Variants in SLC6A14 observed in about 807,000 individuals in gnomAD.
SLC6A14 encodes solute carrier family 6 member 14, also known as sodium- and chloride-dependent neutral and basic amino acid transporter B(0+).
In SLC6A14, 21 loss-of-function variants were observed where a neutral mutation model predicts 51.4. That is an observed-to-expected ratio of 0.41 (90% confidence interval 0.29 to 0.59). The LOEUF is 0.59. Among genes scored for constraint, SLC6A14 ranks in the 20% least tolerant of loss-of-function variants. The pLI is 0.31. For synonymous variants in SLC6A14, 177 were observed against 160.7 expected (o/e 1.10, Z -0.77); for missense variants, 371 against 472.8 (o/e 0.78, Z 2.00).
chrX:116,438,707 A>C (rs1927534426), intron 2 of SLC6A14, among the ~76,000 whole-genome samples: 1 of 112,031 alleles, frequency 8.9e-6, no homozygotes, highest in Non-Finnish European at 1.9e-5. Flanking sequence ...CTTTTCACTT[A>C]CACCATATTT....
rs569519380 is a variant in SLC6A14, at chrX:116,436,988, A to G, written c.48+231A>G. Reference sequence around the variant, plus strand: ...ATCCTCTGCCTTGGGAGTACCCACAAAATCCTGTTCTCTATCCCTCTCCTA... The same window carrying G: ...ATCCTCTGCCTTGGGAGTACCCACAGAATCCTGTTCTCTATCCCTCTCCTA... On this transcript the variant is annotated intron_variant, in intron 1 of 13. Coordinates refer to ENST00000598581, the MANE Select transcript of SLC6A14 (RefSeq NM_007231.5). 1.9e-4 allele frequency among the ~76,000 whole-genome samples: 21 copies of G among 111,584 alleles called. No homozygotes were observed. In the South Asian group the frequency reaches 8.0e-3, roughly 43 times the overall value.
intron 4 of SLC6A14, among the ~76,000 whole-genome samples, chrX:116,443,072 C>T (rs1191413176): frequency 9.1e-6 from 1 of 110,184 alleles, no homozygotes; most frequent in Non-Finnish European, 1.9e-5. Context: ...TCTTCCAGGC[C>T]TAAGTCTTGG....
At chrX:116,455,618 C>G in intron 12 of SLC6A14, 152 bp downstream of exon 12, 1 of 418,290 alleles carries the variant, frequency 2.4e-6, no homozygotes. Flanking sequence ...TCCAAGTTGC[C>G]TAAATTAAAA....
intron 3 of SLC6A14, among the ~76,000 whole-genome samples, chrX:116,441,809 A>G (rs1326079857): frequency 8.9e-6 from 1 of 111,982 alleles, no homozygotes; most frequent in Non-Finnish European, 1.9e-5. Flanking sequence ...TACCTAGTTA[A>G]GGAAACTTTG....
Position 116,444,972 on chromosome X carries a change from G to A in SLC6A14, c.711G>A (p.Trp237Ter). ...TGAATGAGACTGGAGTAATTGTTTG[G>A]TATTTAGCACTTTGTCTTCTTCTGG... ...SGMNETGVIV[W>*]YLALCLLLAW... The change falls in exon 6 of 14, where the codon TGG (tryptophan) becomes TGA (stop). Residue 237 changes from tryptophan (W) to a stop codon, truncating the protein, a stop_gained. Transcript: ENST00000598581. LOFTEE classifies it high-confidence loss of function. The A allele has an allele frequency of 1.7e-6, 2 of 1,208,900 alleles. No homozygotes were observed. The highest frequency in any genetic ancestry group is 2.2e-6 in the Non-Finnish European group (2 of 893,536).
intron 2 of SLC6A14, among the ~76,000 whole-genome samples, chrX:116,438,799 G>A (rs782772974): frequency 2.0e-4 from 22 of 111,977 alleles, no homozygotes; most frequent in Non-Finnish European, 3.0e-4. Context: ...CAGTGAGACT[G>A]TGCCACTATA....
chrX:116,445,536 TGTGA>T (rs1188277609), intron 6 of SLC6A14, among the ~76,000 whole-genome samples: 5 of 109,675 alleles, frequency 4.6e-5, no homozygotes, highest in Non-Finnish European at 9.5e-5. Flanking sequence ...TGTGTGTGTG[TGTGA>T]GTGTGTATGT....
chrX:116,448,303 CTTATT>C (rs1241304227), intron 7 of SLC6A14, among the ~76,000 whole-genome samples: 1 of 111,903 alleles, frequency 8.9e-6, no homozygotes, highest in Non-Finnish European at 1.9e-5. Context: ...ATAGCTTTAA[CTTATT>C]TTATATCTAT....
In SLC6A14 at chrX:116,453,734, C is replaced by T. The variant is rs782110656; in HGVS notation, c.1286-590C>T. Among the ~76,000 whole-genome samples, 109 of 111,171 alleles carry T rather than the reference C, an allele frequency of 9.8e-4. 1 individual carries two copies. Among genetic ancestry groups the T allele is most frequent in the African/African-American group, 3.4e-3 (106 of 30,771 alleles). ...ATCCTTGCACATACTTCTATGCACA[C>T]GTAGGGATTTACCTAGGTTACATGA... On this transcript the variant is annotated intron_variant, in intron 9 of 13. Transcript: ENST00000598581.
At chrX:116,448,506 T>C (rs782176955) in intron 7 of SLC6A14, among the ~76,000 whole-genome samples, 1 of 111,950 alleles carries the variant, frequency 8.9e-6, no homozygotes, top group Admixed American at 9.5e-5. Context: ...TTCATCACCT[T>C]CTCCATGTTA....
In SLC6A14 at chrX:116,436,620, G is replaced by C. The variant is rs2147383188; in HGVS notation, c.-90G>C. Reference sequence around the variant, plus strand: ...CTGGGCAAGGTGGCTCACTCTGGCAGGTAGGAACAGGGGAGAGTGCACCTG... The same window carrying C: ...CTGGGCAAGGTGGCTCACTCTGGCACGTAGGAACAGGGGAGAGTGCACCTG... On this transcript the variant is annotated 5_prime_UTR_variant, in exon 1 of 14. Transcript: ENST00000598581. The C allele has an allele frequency of 2.1e-6, 2 of 972,941 alleles. No individual in the cohort carries two copies. Among genetic ancestry groups the C allele is most frequent in the South Asian group, 2.6e-5 (1 of 39,199 alleles). 80.2% of individuals were successfully genotyped at this position (972,941 alleles called of 1,213,427 possible). A position where few individuals can be genotyped will look rare whatever the true frequency, so the allele number is the denominator to read the frequency against.
chrX:116,460,983 GAGGTT>G lies in SLC6A14; in HGVS notation c.*2031_*2035del, dbSNP rs1556695141. On this transcript the variant is annotated 3_prime_UTR_variant, in exon 14 of 14. Coordinates refer to ENST00000598581, the MANE Select transcript of SLC6A14 (RefSeq NM_007231.5). ...ATATTTGAGAATAGATGGCTAACAA[GAGGTT>G]AGAAATACTTTTCCTTAATTTTAAT... is the stretch of plus-strand genomic sequence containing the variant. 8.9e-6 allele frequency: 1 copy of G among 111,797 alleles called. No individual in the cohort carries two copies. The highest frequency in any genetic ancestry group is 1.9e-5 in the Non-Finnish European group (1 of 53,217). The allele number at this position is 111,797 out of a possible 1,213,427, so 9.2% of individuals were successfully genotyped here.
intron 3 of SLC6A14, among the ~76,000 whole-genome samples, chrX:116,441,658 T>C: frequency 8.9e-6 from 1 of 111,879 alleles, no homozygotes; most frequent in Admixed American, 9.5e-5. Flanking sequence ...CTGCTGAAAA[T>C]TATTTGTTTT....
At chrX:116,443,604 T>A (rs1927642032) in intron 4 of SLC6A14, 39 bp from the exon 5 acceptor site, 1 of 946,855 alleles carries the variant, frequency 1.1e-6, no homozygotes, top group African/African-American at 2.0e-5. Flanking sequence ...CTTCTAAAAC[T>A]AAGTACATGT....
chrX:116,445,507 A>AGAGAGAGAGAGG (rs1927695476), intron 6 of SLC6A14, among the ~76,000 whole-genome samples: 1 of 85,682 alleles, frequency 1.2e-5, no homozygotes, highest in Non-Finnish European at 2.3e-5. Context: ...AGAGAGAGAA[A>AGAGAGAGAGAGG]TGTGTGTGTT....
intron 5 of SLC6A14, among the ~76,000 whole-genome samples, chrX:116,444,411 T>C (rs1299990412): frequency 1.8e-5 from 2 of 111,375 alleles, no homozygotes; most frequent in Non-Finnish European, 3.8e-5. Context: ...AGAAATAAGA[T>C]CCATGCATGT....
intron 7 of SLC6A14, 31 bp from the exon 8 acceptor site, chrX:116,451,410 GT>G (rs781837457): frequency 9.8e-7 from 1 of 1,023,686 alleles, no homozygotes; most frequent in South Asian, 2.2e-5. Flanking sequence ...TTGAGTATAT[GT>G]TTTAAAATAT....
intron 2 of SLC6A14, among the ~76,000 whole-genome samples, chrX:116,439,777 T>A (rs1927557949): frequency 9.0e-6 from 1 of 111,032 alleles, no homozygotes; most frequent in Admixed American, 9.7e-5. Flanking sequence ...CTTCTACTAG[T>A]CATAGTAAAG....
chrX:116,439,061 C>T (rs781811317), intron 2 of SLC6A14, among the ~76,000 whole-genome samples: 9 of 110,679 alleles, frequency 8.1e-5, no homozygotes, highest in Non-Finnish European at 1.7e-4. Context: ...GTCCTAAGGT[C>T]CAGTGTGGTA....
Sources: allele counts gnomAD v4.1 joint callset (sites outside exome capture counted in the v4.1 genomes callset), GRCh38; gene constraint gnomAD v4.1.1; transcripts MANE v1.5; gene names NCBI Gene and HGNC (gene_info 2026-07-23, HGNC 2026-07-21).